Variants in WHRN observed in about 807,000 individuals in gnomAD.
The protein encoded by WHRN is CASK-interacting protein CIP98.
In WHRN, 41 loss-of-function variants were observed where a neutral mutation model predicts 68.3. That is an observed-to-expected ratio of 0.60 (90% CI 0.47 to 0.78). The LOEUF (loss-of-function observed/expected upper bound fraction) is 0.78. Among genes scored for constraint, WHRN ranks in the 30% least tolerant of loss-of-function variants. The pLI is 0.00. For synonymous variants in WHRN, 560 were observed against 561.3 expected (o/e 1.00, Z 0.03); for missense variants, 1,243 against 1,244.7 (o/e 1.00, Z 0.02).
At chr9:114,428,123 T>C (rs1343063360) in intron 3 of WHRN, among the ~76,000 whole-genome samples, 1 of 151,566 alleles carries the variant, frequency 6.6e-6, no homozygotes, top group Non-Finnish European at 1.5e-5. Context: ...GGGTCAGGAG[T>C]TCAAGACCAG....
At chr9:114,468,961 G>C (rs895760369) in intron 2 of WHRN, among the ~76,000 whole-genome samples, 1 of 152,168 alleles carries the variant, frequency 6.6e-6, no homozygotes, top group Non-Finnish European at 1.5e-5. Flanking sequence ...TTCAGGCTCC[G>C]GAGCCAGACT....
chr9:114,501,852 A>C (rs1273591092), intron 1 of WHRN, among the ~76,000 whole-genome samples: 2 of 152,230 alleles, frequency 1.3e-5, no homozygotes, highest in African/African-American at 4.8e-5. Flanking sequence ...CTCCCCGTGG[A>C]GAAATCCTGG....
chr9:114,491,765 T>G (rs1226588184), intron 1 of WHRN: 7 of 270,546 alleles, frequency 2.6e-5, no homozygotes, highest in Non-Finnish European at 5.4e-5. Flanking sequence ...TGTCCAACCC[T>G]CCCGCCCTTT....
At chr9:114,415,859 T>C (rs897222621) in intron 7 of WHRN, among the ~76,000 whole-genome samples, 12 of 151,964 alleles carry the variant, frequency 7.9e-5, no homozygotes, top group Admixed American at 5.9e-4. Flanking sequence ...AAAGTCAGGA[T>C]GCAGGAGGAA....
chr9:114,505,084 G>A lies in WHRN; in HGVS notation c.-283C>T, dbSNP rs984697429. On this transcript the variant is annotated 5_prime_UTR_variant, in exon 1 of 12. Coordinates refer to ENST00000362057, the MANE Select transcript of WHRN (RefSeq NM_015404.4). ...ACACAAGAGTTGGCTGCTGGAGCCC[G>A]GAGGTGGCGGAGACTGCTGCTGGAG... 1.8e-5 allele frequency: 7 copies of A among 384,168 alleles called. No individual in the cohort carries two copies. Among genetic ancestry groups the A allele is most frequent in the African/African-American group, 1.1e-4 (5 of 47,344 alleles). 23.8% of individuals were successfully genotyped at this position (384,168 alleles called of 1,614,324 possible).
At chr9:114,453,578 TA>T (rs559213363) in intron 3 of WHRN, among the ~76,000 whole-genome samples, 1 of 151,992 alleles carries the variant, frequency 6.6e-6, no homozygotes, top group Admixed American at 6.6e-5. Context: ...TCCTGACAGT[TA>T]AAAAAAACTC....
At position 114,466,771 on chromosome 9, in the gene WHRN, C is replaced by T. The variant is rs919203151; in HGVS notation, c.838-379G>A. 3.3e-5 allele frequency among the ~76,000 whole-genome samples: 5 copies of T among 152,202 alleles called. No homozygotes were observed. The South Asian group carries it at 6.2e-4, about 19-fold the overall frequency. On this transcript the variant is annotated intron_variant, in intron 2 of 11. Coordinates refer to ENST00000362057, the MANE Select transcript of WHRN (RefSeq NM_015404.4). Reference sequence around the variant, plus strand: ...AGGCTTCAGTCGGGGGGTGACTGTTCGCGCCCCGGGGTCTCAATTAGGCTC... The same window carrying T: ...AGGCTTCAGTCGGGGGGTGACTGTTTGCGCCCCGGGGTCTCAATTAGGCTC...
At chr9:114,481,892 C>T (rs1842120186) in intron 1 of WHRN, among the ~76,000 whole-genome samples, 1 of 152,198 alleles carries the variant, frequency 6.6e-6, no homozygotes, top group African/African-American at 2.4e-5. Flanking sequence ...TTGCCTGGCA[C>T]ACAGTAGGTC....
At chr9:114,436,986 C>G (rs994341344) in intron 3 of WHRN, among the ~76,000 whole-genome samples, 1 of 151,772 alleles carries the variant, frequency 6.6e-6, no homozygotes, top group Non-Finnish European at 1.5e-5. Context: ...ATGAGAAACC[C>G]TGATACAGAA....
At chr9:114,405,902 A>C (rs929436124) in intron 9 of WHRN, among the ~76,000 whole-genome samples, 4 of 152,224 alleles carry the variant, frequency 2.6e-5, no homozygotes, top group African/African-American at 7.2e-5. Flanking sequence ...GGCCTCCCCA[A>C]GATTCTTCCT....
intron 1 of WHRN, chr9:114,491,882 T>C: frequency 3.8e-6 from 1 of 262,106 alleles, no homozygotes. Flanking sequence ...AGCGGGTCCC[T>C]TTTGTGCTTC....
At chr9:114,406,156 C>T (rs1564115515) in intron 9 of WHRN, among the ~76,000 whole-genome samples, 199 bp downstream of exon 9, 3 of 151,956 alleles carry the variant, frequency 2.0e-5, no homozygotes, top group Admixed American at 6.6e-5. Flanking sequence ...AAGGTGTAGA[C>T]GGCAGCTTGT....
chr9:114,421,941 G>A (rs1009744162), intron 7 of WHRN, among the ~76,000 whole-genome samples: 1 of 152,128 alleles, frequency 6.6e-6, no homozygotes, highest in Non-Finnish European at 1.5e-5. Context: ...GGAGGGATAG[G>A]GGTAAAAGAG....
At chr9:114,416,195 T>C (rs2132282877) in intron 7 of WHRN, among the ~76,000 whole-genome samples, 1 of 152,362 alleles carries the variant, frequency 6.6e-6, no homozygotes, top group African/African-American at 2.4e-5. Context: ...ATGACAGGGC[T>C]GGAGCACAAA....
At chr9:114,460,113 A>T (rs1413481567) in intron 3 of WHRN, among the ~76,000 whole-genome samples, 1 of 152,164 alleles carries the variant, frequency 6.6e-6, no homozygotes. Context: ...AGATCCAGGA[A>T]CCACACTGGG....
intron 3 of WHRN, among the ~76,000 whole-genome samples, chr9:114,461,727 A>G (rs79776485): frequency 0.17 from 25,325 of 152,104 alleles, 2,420 homozygotes; most frequent in Middle Eastern, 0.24. Context: ...TTTCAACCGA[A>G]ATGCTTCCTC....
chr9:114,453,630 AT>A (rs149611075), intron 3 of WHRN, among the ~76,000 whole-genome samples: 2,207 of 152,354 alleles, frequency 0.014, 55 homozygotes, highest in African/African-American at 0.051. Flanking sequence ...CTGCCTTTAA[AT>A]TCCACAACTT....
chr9:114,490,067 G>A (rs1217377076), intron 1 of WHRN, among the ~76,000 whole-genome samples: 2 of 152,192 alleles, frequency 1.3e-5, no homozygotes, highest in Admixed American at 1.3e-4. Context: ...GCTCATCAGG[G>A]AGCCAGGACC....
chr9:114,417,720 CCA>C (rs1262723658), intron 7 of WHRN, among the ~76,000 whole-genome samples: 1 of 152,208 alleles, frequency 6.6e-6, no homozygotes, highest in Non-Finnish European at 1.5e-5. Flanking sequence ...GTGTTGTAGA[CCA>C]CACAGCGGCA....
Sources: gnomAD v4.1 joint callset for allele counts (sites outside exome capture counted in the v4.1 genomes callset) on GRCh38, gnomAD v4.1.1 for gene constraint, MANE v1.5 for transcripts, NCBI Gene and HGNC (gene_info 2026-07-23, HGNC 2026-07-21) for gene names.